SEMA3D: variants seen among roughly 807,000 people sequenced by gnomAD.
The protein encoded by SEMA3D is semaphorin-3D.
Under a neutral mutation model 100.1 loss-of-function variants are expected in SEMA3D, and 84 were observed. The observed-to-expected ratio is 0.84, with a 90% CI of 0.70 to 1.01. SEMA3D has a LOEUF of 1.01. Among genes scored for constraint, SEMA3D ranks in the 50% least tolerant of loss-of-function variants. The probability of loss-of-function intolerance (pLI) is 0.00; values close to 1 mark genes in which losing one functional copy is unlikely to be tolerated. For missense variants in SEMA3D, 875 were observed against 934.1 expected (o/e 0.94, Z 0.82); for synonymous variants, 312 against 320.7 (o/e 0.97, Z 0.29).
chr7:85,129,494 T>A (rs1226337981), intron 2 of SEMA3D, among the ~76,000 whole-genome samples: 1 of 152,110 alleles, frequency 6.6e-6, no homozygotes, highest in Admixed American at 6.6e-5. Flanking sequence ...GACTGTGAGA[T>A]GAGGATTTCA....
chr7:85,124,593 A>T (rs553267305), intron 2 of SEMA3D, among the ~76,000 whole-genome samples: 1 of 152,266 alleles, frequency 6.6e-6, no homozygotes, highest in South Asian at 2.1e-4. Flanking sequence ...AAGGAGTATC[A>T]TATAGGCTTA....
the SEMA3D span, among the ~76,000 whole-genome samples, chr7:85,209,020 A>G: frequency 6.6e-6 from 1 of 152,046 alleles, no homozygotes; most frequent in Non-Finnish European, 1.5e-5. Flanking sequence ...CCAGAGATTA[A>G]AGCTACAACA....
intron 2 of SEMA3D, among the ~76,000 whole-genome samples, chr7:85,146,786 C>CA (rs2116477064): frequency 6.6e-6 from 1 of 151,972 alleles, no homozygotes; most frequent in Admixed American, 6.6e-5. Flanking sequence ...TTGATGATGA[C>CA]AAAGCAGAAG....
At position 84,996,443 on chromosome 7, in the gene SEMA3D, G is replaced by GC. The variant is rs1789502439; in HGVS notation, c.*2996dup. On this transcript the variant is annotated 3_prime_UTR_variant, in exon 19 of 19. Coordinates refer to ENST00000284136, the MANE Select transcript of SEMA3D (RefSeq NM_001384900.1). Reference sequence around the variant, plus strand: ...TTCTTCCACTACTGTTGTGGCTTTTGCAAATTACTAAATTTCTCTGTGACT... The same window carrying GC: ...TTCTTCCACTACTGTTGTGGCTTTTGCCAAATTACTAAATTTCTCTGTGACT... The GC allele has an allele frequency of 6.6e-6, 1 of 151,942 alleles. No individual in the cohort carries two copies. 9.4% of individuals were successfully genotyped at this position (151,942 alleles called of 1,614,324 possible).
rs1050574345 is a variant in SEMA3D at position 85,040,603 on chromosome 7, T to A, written c.1046+70A>T. 5.0e-6 allele frequency: 4 copies of A among 798,406 alleles called. No individual in the cohort carries two copies. The East Asian group carries it at 1.0e-4, about 21-fold the overall frequency. 49.5% of individuals were successfully genotyped at this position (798,406 alleles called of 1,614,324 possible). A position where few individuals can be genotyped will look rare whatever the true frequency, so the allele number is the denominator to read the frequency against. ...TACTACAAACGCAGGGACAAAAAGA[T>A]CCTATAACTATATTGGCTTGCATAC... On this transcript the variant is annotated intron_variant, in intron 11 of 18. Transcript: ENST00000284136.
At chr7:85,174,223 C>T (rs566709935) in intron 1 of SEMA3D, among the ~76,000 whole-genome samples, 33 of 152,246 alleles carry the variant, frequency 2.2e-4, no homozygotes, top group African/African-American at 7.9e-4. Flanking sequence ...TGTGATTTAA[C>T]CCACGGTGAT....
chr7:85,115,717 G>C (rs1366207736), intron 3 of SEMA3D, among the ~76,000 whole-genome samples: 1 of 152,016 alleles, frequency 6.6e-6, no homozygotes, highest in Non-Finnish European at 1.5e-5. Flanking sequence ...TCCCTATCAG[G>C]ATAGAAAACA....
chr7:85,153,280 C>T (rs1790483193), intron 2 of SEMA3D, among the ~76,000 whole-genome samples: 1 of 152,100 alleles, frequency 6.6e-6, no homozygotes, highest in Non-Finnish European at 1.5e-5. Flanking sequence ...TAACAGGACT[C>T]AAAGAATTAC....
At chr7:85,131,002 G>A (rs1395944202) in intron 2 of SEMA3D, among the ~76,000 whole-genome samples, 7 of 152,058 alleles carry the variant, frequency 4.6e-5, no homozygotes, top group African/African-American at 1.7e-4. Flanking sequence ...TCGTTGTAAG[G>A]ACTAAGAAAC....
In SEMA3D at chr7:85,153,717, A is replaced by T. The variant is rs1240503276; in HGVS notation, c.-150T>A. The T allele has an allele frequency of 2.0e-5, 3 of 152,182 alleles. No homozygotes were observed. The highest frequency in any genetic ancestry group is 7.2e-5 in the African/African-American group (3 of 41,450). 9.4% of individuals were successfully genotyped at this position (152,182 alleles called of 1,614,324 possible). A position where few individuals can be genotyped will look rare whatever the true frequency, so the allele number is the denominator to read the frequency against. The stretch of plus-strand genomic sequence containing the variant: ...TGGCAACCAGGACAGCAGATGTTAC[A>T]GTTCTAGTCCAAGTGTAAAGACCTG... On this transcript the variant is annotated 5_prime_UTR_variant, in exon 2 of 19. Transcript: ENST00000284136.
chr7:85,180,419 G>A (rs905028101), intron 1 of SEMA3D, among the ~76,000 whole-genome samples: 3 of 152,064 alleles, frequency 2.0e-5, no homozygotes, highest in African/African-American at 7.2e-5. Flanking sequence ...CTCAATCTTG[G>A]ATATGTCTTC....
intron 1 of SEMA3D, among the ~76,000 whole-genome samples, chr7:85,157,105 A>G (rs1230061628): frequency 5.8e-5 from 1 of 17,222 alleles, no homozygotes; most frequent in Non-Finnish European, 9.0e-5. Context: ...TTTCTGGCAC[A>G]GCCTACCTTT....
chr7:85,142,740 C>G, intron 2 of SEMA3D: 1 of 975,246 alleles, frequency 1.0e-6, no homozygotes, highest in Non-Finnish European at 1.2e-6. Context: ...TATGGCTCCT[C>G]TTGCTTTTAC....
At chr7:85,003,376 A>G (rs1789706619) in intron 18 of SEMA3D, among the ~76,000 whole-genome samples, 1 of 152,050 alleles carries the variant, frequency 6.6e-6, no homozygotes, top group Non-Finnish European at 1.5e-5. Context: ...CTAAATAACT[A>G]CTAGATTAAT....
intron 1 of SEMA3D, among the ~76,000 whole-genome samples, chr7:85,177,450 G>A (rs1791269346): frequency 6.6e-6 from 1 of 152,080 alleles, no homozygotes; most frequent in African/African-American, 2.4e-5. Context: ...GAAAAAAAGA[G>A]TAAGTAGTCA....
At chr7:85,074,421 A>C (rs757552732) in intron 5 of SEMA3D, among the ~76,000 whole-genome samples, 4 of 152,186 alleles carry the variant, frequency 2.6e-5, no homozygotes, top group African/African-American at 7.2e-5. Flanking sequence ...AAAATTTTTT[A>C]AAAAGGCAGA....
intron 9 of SEMA3D, chr7:85,050,348 G>C (rs1364466202): frequency 6.3e-6 from 1 of 159,640 alleles, no homozygotes. Flanking sequence ...GATATTAACT[G>C]TTTCACAAAA....
chr7:85,103,159 C>T (rs771349019), intron 3 of SEMA3D, among the ~76,000 whole-genome samples: 2 of 151,942 alleles, frequency 1.3e-5, no homozygotes, highest in Non-Finnish European at 2.9e-5. Context: ...TTCTGCCAAA[C>T]CAAGCAAAGT....
chr7:85,185,937 G>T (rs2116591676), intron 1 of SEMA3D, among the ~76,000 whole-genome samples: 1 of 152,242 alleles, frequency 6.6e-6, no homozygotes, highest in East Asian at 1.9e-4. Context: ...ACTACAAAGA[G>T]ATCCCCCGAG....
Sources: allele counts gnomAD v4.1 joint callset (sites outside exome capture counted in the v4.1 genomes callset), GRCh38; gene constraint gnomAD v4.1.1; transcripts MANE v1.5; gene names NCBI Gene and HGNC (gene_info 2026-07-23, HGNC 2026-07-21).